Variants in POTEG observed in about 807,000 individuals in gnomAD.
The protein encoded by POTEG is ANKRD26-like family C member 2.
A neutral mutation model predicts 49.6 loss-of-function variants in POTEG; 2 were observed. The ratio of observed to expected loss-of-function variants is 0.04; its 90% CI spans 0.02 to 0.13. The LOEUF (loss-of-function observed/expected upper bound fraction) is 0.13. Among genes scored for constraint, POTEG ranks in the 10% least tolerant of loss-of-function variants. The pLI is 1.00. For missense variants in POTEG, 26 were observed against 545.2 expected, an observed-to-expected ratio of 0.05 and a Z score of 9.48; for synonymous variants, 7 against 186.6, an observed-to-expected ratio of 0.04 and a Z score of 7.84.
At chr14:19,415,477 A>G (rs2139156050) in intron 7 of POTEG, among the ~76,000 whole-genome samples, 1 of 147,532 alleles carries the variant, frequency 6.8e-6, no homozygotes, top group South Asian at 2.2e-4. Context: ...ATCACTGGCC[A>G]TGATTACTCT....
intron 1 of POTEG, among the ~76,000 whole-genome samples, chr14:19,432,358 G>T (rs901163897): frequency 2.9e-5 from 1 of 34,236 alleles, no homozygotes; most frequent in East Asian, 8.5e-4. Flanking sequence ...AAAAAAAAAA[G>T]AAATTTTGTA....
chr14:19,415,528 G>C (rs574015099), intron 7 of POTEG, among the ~76,000 whole-genome samples: 138 of 149,026 alleles, frequency 9.3e-4, no homozygotes, highest in Admixed American at 1.9e-3. Flanking sequence ...GTGTTACATT[G>C]TTCATAATTC....
intron 7 of POTEG, among the ~76,000 whole-genome samples, chr14:19,415,285 A>G (rs1340180074): frequency 7.0e-6 from 1 of 142,088 alleles, no homozygotes; most frequent in East Asian, 2.0e-4. Flanking sequence ...ACTGAAATAA[A>G]TTAGAATGTT....
At chr14:19,423,689 CT>C (rs1158084425) in intron 5 of POTEG, 264 of 157,872 alleles carry the variant, frequency 1.7e-3, no homozygotes, top group African/African-American at 6.3e-3. Flanking sequence ...TTGCAATGTC[CT>C]TTTTTTTCTC....
intron 7 of POTEG, among the ~76,000 whole-genome samples, chr14:19,415,829 A>ATTTTTTTTTT (rs58833974): frequency 1.0e-4 from 10 of 96,746 alleles, no homozygotes; most frequent in African/African-American, 3.6e-4. Flanking sequence ...ATCTATTAAA[A>ATTTTTTTTTT]TTTTTTTTTT....
intron 1 of POTEG, among the ~76,000 whole-genome samples, chr14:19,432,591 TCTAG>T: frequency 1.4e-5 from 1 of 72,816 alleles, no homozygotes; most frequent in Non-Finnish European, 2.6e-5. Flanking sequence ...GATATAAACA[TCTAG>T]CTAGTTTTCT....
intron 7 of POTEG, 132 bp from the exon 8 acceptor site, chr14:19,414,738 T>G: frequency 8.7e-7 from 1 of 1,149,594 alleles, no homozygotes; most frequent in Non-Finnish European, 1.1e-6. Flanking sequence ...AGAAAATAAT[T>G]AAAATTAAAC....
chr14:19,426,297 C>G (rs1462271145), intron 3 of POTEG, among the ~76,000 whole-genome samples: 1 of 144,224 alleles, frequency 6.9e-6, no homozygotes, highest in African/African-American at 2.5e-5. Context: ...ACTACTGAAA[C>G]TAAATTAACA....
intron 1 of POTEG, among the ~76,000 whole-genome samples, chr14:19,432,403 T>TATATATACAC (rs1330765784): frequency 0.025 from 1,112 of 43,984 alleles, 10 homozygotes; most frequent in Non-Finnish European, 0.04. Context: ...TATATATATA[T>TATATATACAC]ACACACACAT....
In POTEG at chr14:19,420,008, A is replaced by G. The variant is rs1883692055; in HGVS notation, c.1126+1616T>C. Among the ~76,000 whole-genome samples, 3 of 140,328 alleles carry G rather than the reference A, an allele frequency of 2.1e-5. No homozygotes were observed. In the South Asian group the frequency reaches 7.2e-4, roughly 34 times the overall value. 92.1% of individuals were successfully genotyped at this position (140,328 alleles called of 152,430 possible). ...TCATTCCCAACCTCTCGTATCTCAC[A>G]CTTTTGGTATTAGCAAAAGTGAATT... On this transcript the variant is annotated intron_variant, in intron 6 of 10. Transcript: ENST00000547848.
At chr14:19,432,307 CA>C (rs1157662638) in intron 1 of POTEG, among the ~76,000 whole-genome samples, 1 of 84,602 alleles carries the variant, frequency 1.2e-5, no homozygotes, top group African/African-American at 4.7e-5. Context: ...GAGATCGCAC[CA>C]CTGCACTCCA....
intron 1 of POTEG, among the ~76,000 whole-genome samples, chr14:19,432,449 T>TATATAC (rs1884196790): frequency 2.2e-5 from 1 of 46,162 alleles, no homozygotes; most frequent in African/African-American, 5.4e-5. Context: ...TATATATACA[T>TATATAC]ATATATATAC....
intron 7 of POTEG, among the ~76,000 whole-genome samples, chr14:19,415,832 T>A (rs1883538305): frequency 1.1e-3 from 5 of 4,562 alleles, no homozygotes; most frequent in African/African-American, 1.8e-3. Flanking sequence ...TATTAAAATT[T>A]TTTTTTTTTT....
At chr14:19,419,028 G>A (rs1216912326) in intron 6 of POTEG, among the ~76,000 whole-genome samples, 1 of 113,862 alleles carries the variant, frequency 8.8e-6, no homozygotes, top group Admixed American at 9.3e-5. Context: ...AAAAACAAAG[G>A]CCAACATATT....
intron 7 of POTEG, 117 bp downstream of exon 7, chr14:19,416,171 A>G: frequency 2.9e-6 from 2 of 683,022 alleles, no homozygotes; most frequent in Non-Finnish European, 2.4e-6. Context: ...GAATCTATTG[A>G]TTCTCAAAGC....
chr14:19,415,313 A>T lies in POTEG; in HGVS notation c.1198-707T>A, dbSNP rs1406509734. On this transcript the variant is annotated intron_variant, in intron 7 of 10. Transcript: ENST00000547848. ...AGAATGTTATTGTGTTTGTGCACTA[A>T]CACCAAAGGTCCCATTCTGCAAGAT... is the stretch of plus-strand genomic sequence containing the variant. Among the ~76,000 whole-genome samples, 3 of 143,080 alleles carry T rather than the reference A, an allele frequency of 2.1e-5. No individual in the cohort carries two copies. In the East Asian group the frequency reaches 6.0e-4, roughly 29 times the overall value. 93.9% of individuals were successfully genotyped at this position (143,080 alleles called of 152,430 possible).
At chr14:19,432,362 TTTTGTATATATATATA>T (rs1490792976) in intron 1 of POTEG, among the ~76,000 whole-genome samples, 1 of 31,710 alleles carries the variant, frequency 3.2e-5, no homozygotes, top group Non-Finnish European at 6.5e-5. Flanking sequence ...AAAAAAGAAA[TTTTGTATATATATATA>T]TATATATATA....
chr14:19,432,403 T>TATAC (rs1330765784), intron 1 of POTEG, among the ~76,000 whole-genome samples: 929 of 43,812 alleles, frequency 0.021, 7 homozygotes, highest in South Asian at 0.057. Context: ...TATATATATA[T>TATAC]ACACACACAT....
intron 9 of POTEG, among the ~76,000 whole-genome samples, chr14:19,407,134 CAT>C (rs200874107): frequency 6.1e-3 from 878 of 143,238 alleles, no homozygotes; most frequent in South Asian, 0.041. Flanking sequence ...CACCCGCACA[CAT>C]ATGTTTACTG....
Sources: gnomAD v4.1 joint callset for allele counts (sites outside exome capture counted in the v4.1 genomes callset) on GRCh38, gnomAD v4.1.1 for gene constraint, MANE v1.5 for transcripts, NCBI Gene and HGNC (gene_info 2026-07-23, HGNC 2026-07-21) for gene names.